CFH: variants seen among roughly 807,000 people sequenced by gnomAD.
The protein encoded by CFH is complement factor H.
CFH carries 53 observed loss-of-function variants against 147.3 expected under a neutral mutation model. The observed-to-expected ratio is 0.36, with a 90% CI of 0.29 to 0.45. The LOEUF (loss-of-function observed/expected upper bound fraction) is 0.45, where lower values mean the gene tolerates loss of function less well. Ranked by LOEUF, CFH falls within the 20% of genes least tolerant of loss-of-function variation. The probability of loss-of-function intolerance (pLI) is 1.00; values close to 1 mark genes in which losing one functional copy is unlikely to be tolerated. For synonymous variants in CFH, 536 were observed against 489.4 expected (o/e 1.10, Z -1.26); for missense variants, 1,380 against 1,498.0 (o/e 0.92, Z 1.30).
intron 20 of CFH, among the ~76,000 whole-genome samples, chr1:196,744,510 A>G (rs1308692095): frequency 6.6e-6 from 1 of 152,094 alleles, no homozygotes; most frequent in African/African-American, 2.4e-5. Flanking sequence ...CCTTTTAAAA[A>G]GTTGTTGCTC....
Position 196,718,751 on chromosome 1 carries a change from A to T in CFH, c.1696+2982A>T, listed in dbSNP as rs867656493. On this transcript the variant is annotated intron_variant, in intron 11 of 21. Coordinates refer to ENST00000367429, the MANE Select transcript of CFH (RefSeq NM_000186.4). ...TCACCAGACATGAAATGAAAACCTAAAGGAGAGAAAGTTGGAGTGGCGGAC... is the reference window on the plus strand; with the variant it reads ...TCACCAGACATGAAATGAAAACCTATAGGAGAGAAAGTTGGAGTGGCGGAC... Among the ~76,000 whole-genome samples, 1,050 of 152,226 alleles carry T rather than the reference A, an allele frequency of 6.9e-3. 9 individuals are homozygous for T. Among genetic ancestry groups the T allele is most frequent in the African/African-American group, 0.024 (977 of 41,564 alleles).
At chr1:196,654,483 T>G (rs1666615938) in intron 1 of CFH, among the ~76,000 whole-genome samples, 2 of 152,144 alleles carry the variant, frequency 1.3e-5, no homozygotes, top group Non-Finnish European at 2.9e-5. Context: ...CTACTAAGAA[T>G]TGGGTCAGAT....
chr1:196,656,700 T>C (rs554327431), intron 1 of CFH, among the ~76,000 whole-genome samples: 12 of 151,942 alleles, frequency 7.9e-5, no homozygotes, highest in South Asian at 2.1e-4. Context: ...TTTTTTTTTT[T>C]TCTCTATTTT....
intron 18 of CFH, 178 bp downstream of exon 18, chr1:196,740,970 T>G (rs1652790224): frequency 1.6e-6 from 1 of 643,600 alleles, no homozygotes; most frequent in African/African-American, 1.8e-5. Context: ...ATAAGCCAAA[T>G]TAGTTCATTT....
chr1:196,702,334 C>T (rs751736875), intron 9 of CFH, among the ~76,000 whole-genome samples: 11 of 151,958 alleles, frequency 7.2e-5, no homozygotes, highest in African/African-American at 1.4e-4. Flanking sequence ...TCCATTTAGC[C>T]GGGGAGTCAC....
intron 9 of CFH, 147 bp from the exon 10 acceptor site, chr1:196,713,588 T>A: frequency 1.8e-6 from 1 of 558,606 alleles, no homozygotes; most frequent in Non-Finnish European, 3.2e-6. Flanking sequence ...GAGCTTATTT[T>A]CCTTGACTTA....
chr1:196,693,992 T>G (rs1573033554), intron 9 of CFH, among the ~76,000 whole-genome samples: 1 of 86,790 alleles, frequency 1.2e-5, no homozygotes, highest in Non-Finnish European at 2.3e-5. Context: ...GTGTGTGTGT[T>G]TTATTATTAT....
At chr1:196,734,026 C>G (rs572794121) in intron 15 of CFH, among the ~76,000 whole-genome samples, 1 of 152,220 alleles carries the variant, frequency 6.6e-6, no homozygotes, top group Non-Finnish European at 1.5e-5. Context: ...TAGAGAGACT[C>G]TCATGTGTTT....
In CFH at chr1:196,677,609, T is replaced by C. The variant is rs1204792588; in HGVS notation, c.561T>C (p.Asp187=). The C allele has an allele frequency of 3.1e-6, 5 of 1,613,170 alleles. No individual in the cohort carries two copies. Among genetic ancestry groups the C allele is most frequent in the South Asian group, 1.1e-5 (1 of 91,074 alleles). The change falls in exon 5 of 22, where the codon GAT becomes GAC. Residue 187 remains aspartate, a synonymous_variant. Coordinates refer to ENST00000367429, the MANE Select transcript of CFH (RefSeq NM_000186.4). The part of the protein sequence containing the change: ...VCNSGYKIEG[D]EEMHCSDDGF... ...ACTCAGGCTACAAGATTGAAGGAGATGAAGAAATGCATTGTTCAGACGATG... is the reference window on the plus strand; with the variant it reads ...ACTCAGGCTACAAGATTGAAGGAGACGAAGAAATGCATTGTTCAGACGATG...
At chr1:196,721,624 C>T (rs1669000348) in intron 11 of CFH, among the ~76,000 whole-genome samples, 1 of 151,646 alleles carries the variant, frequency 6.6e-6, no homozygotes, top group South Asian at 2.1e-4. Context: ...TTTTTTTGTC[C>T]CTGCAATCTG....
At chr1:196,684,203 A>G (rs990609785) in intron 6 of CFH, among the ~76,000 whole-genome samples, 6 of 151,972 alleles carry the variant, frequency 3.9e-5, no homozygotes, top group African/African-American at 1.4e-4. Context: ...TTGTGTAAAC[A>G]AAGTTTTATT....
intron 6 of CFH, among the ~76,000 whole-genome samples, chr1:196,683,474 T>C (rs1292605020): frequency 6.6e-6 from 1 of 151,776 alleles, no homozygotes; most frequent in East Asian, 1.9e-4. Context: ...ACAGCAATTA[T>C]AAAATGGTAT....
rs1359083484 is a variant in CFH, at chr1:196,672,911, A to G, written c.59-67A>G. On this transcript the variant is annotated intron_variant, in intron 1 of 21. Coordinates refer to ENST00000367429, the MANE Select transcript of CFH (RefSeq NM_000186.4). Reference sequence around the variant, plus strand: ...TGTCTAGGCATTTTTAAAAGCAACAATTACCTAAATATACTGTACATTTAA... The same window carrying G: ...TGTCTAGGCATTTTTAAAAGCAACAGTTACCTAAATATACTGTACATTTAA... The G allele has an allele frequency of 5.9e-6, 8 of 1,365,288 alleles. No homozygotes were observed. In the East Asian group the frequency reaches 1.2e-4, roughly 21 times the overall value. The allele number at this position is 1,365,288 out of a possible 1,614,324, so 84.6% of individuals were successfully genotyped here.
chr1:196,707,156 C>T (rs1668609217), intron 9 of CFH, among the ~76,000 whole-genome samples: 1 of 152,014 alleles, frequency 6.6e-6, no homozygotes, highest in African/African-American at 2.4e-5. Context: ...ATAAATCATA[C>T]TATATAAAAC....
At chr1:196,698,387 G>A (rs1164501411) in intron 9 of CFH, among the ~76,000 whole-genome samples, 1 of 151,750 alleles carries the variant, frequency 6.6e-6, no homozygotes, top group Non-Finnish European at 1.5e-5. Flanking sequence ...TGATAAAGAG[G>A]GTATCACCAC....
At chr1:196,693,770 C>T (rs1668150218) in intron 9 of CFH, among the ~76,000 whole-genome samples, 1 of 152,042 alleles carries the variant, frequency 6.6e-6, no homozygotes. Flanking sequence ...TTTTTTATTG[C>T]TAAGTATTAT....
At chr1:196,690,012 A>C in intron 8 of CFH, 51 bp from the exon 9 acceptor site, 4 of 1,519,516 alleles carry the variant, frequency 2.6e-6, no homozygotes, top group Non-Finnish European at 3.6e-6. Context: ...ATTTTGAGCA[A>C]ATTTATGTTT....
At position 196,672,873 on chromosome 1, in the gene CFH, A is replaced by C. The variant is rs1667329709; in HGVS notation, c.59-105A>C. The C allele has an allele frequency of 4.7e-6, 4 of 844,900 alleles. No individual in the cohort carries two copies. In the East Asian group the frequency reaches 1.1e-4, roughly 22 times the overall value. 52.3% of individuals were successfully genotyped at this position (844,900 alleles called of 1,614,324 possible). A position where few individuals can be genotyped will look rare whatever the true frequency, so the allele number is the denominator to read the frequency against. On this transcript the variant is annotated intron_variant, in intron 1 of 21. Coordinates refer to ENST00000367429, the MANE Select transcript of CFH (RefSeq NM_000186.4). The stretch of plus-strand genomic sequence containing the variant: ...GAGAGAGAGAGAGAGAGAAATTTAG[A>C]TAGACCTGTGACTGTCTAGGCATTT...
At position 196,747,380 on chromosome 1, in the gene CFH, T is replaced by G. The variant is rs1334571307; in HGVS notation, c.*67T>G. The G allele has an allele frequency of 2.3e-5, 36 of 1,599,830 alleles. No homozygotes were observed. The highest frequency in any genetic ancestry group is 8.6e-6 in the Non-Finnish European group (10 of 1,169,226). On this transcript the variant is annotated 3_prime_UTR_variant, in exon 22 of 22. Coordinates refer to ENST00000367429, the MANE Select transcript of CFH (RefSeq NM_000186.4). Reference sequence around the variant, plus strand: ...TTAAATCAGTTCTCAATTTCATTTTTTATGTATTGTTTTACTCCTTTTTAT... The same window carrying G: ...TTAAATCAGTTCTCAATTTCATTTTGTATGTATTGTTTTACTCCTTTTTAT...
Sources: gnomAD v4.1 joint callset for allele counts (sites outside exome capture counted in the v4.1 genomes callset) on GRCh38, gnomAD v4.1.1 for gene constraint, MANE v1.5 for transcripts, NCBI Gene and HGNC (gene_info 2026-07-23, HGNC 2026-07-21) for gene names.